SLC25A13: variants seen among roughly 807,000 people sequenced by gnomAD.
SLC25A13 encodes electrogenic aspartate/glutamate antiporter SLC25A13, mitochondrial.
In SLC25A13, 70 loss-of-function variants were observed where a neutral mutation model predicts 85.5. The ratio of observed to expected loss-of-function variants is 0.82; its 90% CI spans 0.68 to 1.00. SLC25A13 has a LOEUF of 1.00. Ranked by LOEUF, SLC25A13 falls within the 50% of genes least tolerant of loss-of-function variation. The probability of loss-of-function intolerance (pLI) is 0.00; values close to 1 mark genes in which losing one functional copy is unlikely to be tolerated. For synonymous variants in SLC25A13, 259 were observed against 288.7 expected (o/e 0.90, Z 1.04); for missense variants, 765 against 819.8 (o/e 0.93, Z 0.82).
At chr7:96,317,612 C>T (rs1800178453) in intron 1 of SLC25A13, among the ~76,000 whole-genome samples, 2 of 151,892 alleles carry the variant, frequency 1.3e-5, no homozygotes, top group African/African-American at 4.8e-5. Context: ...TAGCAATTTT[C>T]AGAAGACTTC....
chr7:96,322,037 C>T lies in SLC25A13; in HGVS notation c.-81G>A. ...GGGACCCGGGCGGCTCACTTCTAGT[C>T]CCGGCGGCGGCGGCGGTGGGGGCGG... On this transcript the variant is annotated 5_prime_UTR_variant, in exon 1 of 18. Coordinates refer to ENST00000265631, the MANE Select transcript of SLC25A13 (RefSeq NM_014251.3). 1 of 1,515,306 alleles carries T rather than the reference C, an allele frequency of 6.6e-7. No homozygotes were observed. Among genetic ancestry groups the T allele is most frequent in the Non-Finnish European group, 8.9e-7 (1 of 1,129,680 alleles). The allele number at this position is 1,515,306 out of a possible 1,614,324, so 93.9% of individuals were successfully genotyped here. A position where few individuals can be genotyped will look rare whatever the true frequency, so the allele number is the denominator to read the frequency against.
intron 4 of SLC25A13, among the ~76,000 whole-genome samples, chr7:96,220,592 A>T (rs770669851): frequency 2.2e-4 from 33 of 152,318 alleles, no homozygotes; most frequent in Non-Finnish European, 4.1e-4. Flanking sequence ...TCTCTCTTAT[A>T]CCAGAAGAAG....
At chr7:96,160,247 TTTCCCAG>T (rs1793454520) in intron 13 of SLC25A13, among the ~76,000 whole-genome samples, 2 of 152,182 alleles carry the variant, frequency 1.3e-5, no homozygotes, top group South Asian at 4.1e-4. Flanking sequence ...ACTCTGAGAC[TTTCCCAG>T]AGAAGGTAAA....
chr7:96,306,714 T>A, intron 1 of SLC25A13: 1 of 941,524 alleles, frequency 1.1e-6, no homozygotes, highest in Middle Eastern at 2.3e-4. Context: ...CTTAGTCCCA[T>A]CCACTTCCAT....
chr7:96,287,341 T>C (rs1798929265), intron 2 of SLC25A13, among the ~76,000 whole-genome samples: 2 of 152,100 alleles, frequency 1.3e-5, no homozygotes, highest in Admixed American at 1.3e-4. Context: ...CCTGACGTCA[T>C]CTCTTAGGAC....
At chr7:96,320,399 G>A (rs1316494199) in intron 1 of SLC25A13, among the ~76,000 whole-genome samples, 1 of 152,100 alleles carries the variant, frequency 6.6e-6, no homozygotes. Flanking sequence ...TCCTAATAAA[G>A]TAAAAGTATT....
intron 9 of SLC25A13, among the ~76,000 whole-genome samples, 186 bp downstream of exon 9, chr7:96,189,108 C>A (rs1337645310): frequency 1.3e-5 from 2 of 152,212 alleles, no homozygotes; most frequent in African/African-American, 4.8e-5. Flanking sequence ...ATGCCAAATA[C>A]CTGTTTATCA....
intron 13 of SLC25A13, among the ~76,000 whole-genome samples, chr7:96,154,010 A>C (rs1012529736): frequency 6.6e-6 from 1 of 152,236 alleles, no homozygotes; most frequent in East Asian, 1.9e-4. Context: ...CTTGGGCTAT[A>C]AATTTAAAAT....
chr7:96,212,122 C>G (rs1356458838), intron 4 of SLC25A13, among the ~76,000 whole-genome samples: 1 of 152,062 alleles, frequency 6.6e-6, no homozygotes, highest in Non-Finnish European at 1.5e-5. Context: ...TCAGGGCTCC[C>G]ATGCTGCACA....
At chr7:96,292,383 C>T (rs1182075023) in intron 2 of SLC25A13, among the ~76,000 whole-genome samples, 2 of 152,124 alleles carry the variant, frequency 1.3e-5, no homozygotes, top group African/African-American at 2.4e-5. Context: ...ACAAGGATGC[C>T]GTCTCTCACC....
intron 4 of SLC25A13, among the ~76,000 whole-genome samples, chr7:96,229,042 C>T (rs1472360994): frequency 6.6e-6 from 1 of 152,204 alleles, no homozygotes; most frequent in African/African-American, 2.4e-5. Context: ...GGTGCCGCCC[C>T]CTGCTCCGCA....
chr7:96,146,719 A>G (rs756072610), intron 13 of SLC25A13, 23 bp from the exon 14 acceptor site: 1 of 1,613,974 alleles, frequency 6.2e-7, no homozygotes, highest in Non-Finnish European at 8.5e-7. Context: ...AAAAAGATTT[A>G]GGATCAAAGC....
chr7:96,206,658 C>G (rs889554221), intron 5 of SLC25A13, among the ~76,000 whole-genome samples: 2 of 152,168 alleles, frequency 1.3e-5, no homozygotes, highest in African/African-American at 2.4e-5. Flanking sequence ...TACTTCTATT[C>G]TGGCTACAGA....
At chr7:96,252,319 G>A (rs1797462098) in intron 3 of SLC25A13, among the ~76,000 whole-genome samples, 1 of 152,146 alleles carries the variant, frequency 6.6e-6, no homozygotes, top group South Asian at 2.1e-4. Context: ...AGGGAGGTGT[G>A]AAAGAAAAGA....
At chr7:96,293,109 C>A (rs1325522298) in intron 2 of SLC25A13, among the ~76,000 whole-genome samples, 2 of 152,090 alleles carry the variant, frequency 1.3e-5, no homozygotes, top group South Asian at 4.1e-4. Flanking sequence ...AGAACAGAGG[C>A]CTCAGAAATA....
intron 5 of SLC25A13, among the ~76,000 whole-genome samples, chr7:96,205,593 T>A (rs1329179831): frequency 6.6e-6 from 1 of 152,216 alleles, no homozygotes; most frequent in Non-Finnish European, 1.5e-5. Flanking sequence ...GGAAGGAGGC[T>A]TTGTATCCCT....
At chr7:96,168,324 C>T (rs1334331019) in intron 13 of SLC25A13, among the ~76,000 whole-genome samples, 2 of 151,932 alleles carry the variant, frequency 1.3e-5, no homozygotes, top group Non-Finnish European at 2.9e-5. Context: ...CCACTGTCTA[C>T]CTCTTTGAGA....
intron 14 of SLC25A13, among the ~76,000 whole-genome samples, chr7:96,138,389 TTTC>T (rs1266505159): frequency 2.0e-5 from 3 of 151,846 alleles, no homozygotes; most frequent in African/African-American, 7.3e-5. Context: ...GTTGCATTTT[TTTC>T]TTTTTCTTTT....
chr7:96,129,831 C>T (rs907763972), intron 15 of SLC25A13, among the ~76,000 whole-genome samples: 2 of 152,106 alleles, frequency 1.3e-5, no homozygotes, highest in Non-Finnish European at 2.9e-5. Flanking sequence ...TAGTCTGACC[C>T]CACAGGCACA....
Sources: gnomAD v4.1 joint callset for allele counts (sites outside exome capture counted in the v4.1 genomes callset) on GRCh38, gnomAD v4.1.1 for gene constraint, MANE v1.5 for transcripts, NCBI Gene and HGNC (gene_info 2026-07-23, HGNC 2026-07-21) for gene names.